The following ADAM23 variants were observed in gnomAD, a reference collection of about 807,000 sequenced individuals.
ADAM23 encodes disintegrin and metalloproteinase domain-containing protein 23.
In ADAM23, 33 loss-of-function variants were observed where a neutral mutation model predicts 120.1. The ratio of observed to expected loss-of-function variants is 0.27; its 90% confidence interval spans 0.21 to 0.37. ADAM23 has a LOEUF of 0.37. ADAM23 is among the 10% of genes least tolerant of loss of function. The pLI is 1.00. For synonymous variants in ADAM23, 367 were observed against 375.2 expected (o/e 0.98, Z 0.25); for missense variants, 862 against 1,058.2 (o/e 0.81, Z 2.57).
At chr2:206,568,177 C>T (rs969247957) in intron 15 of ADAM23, among the ~76,000 whole-genome samples, 2 of 151,772 alleles carry the variant, frequency 1.3e-5, no homozygotes, top group African/African-American at 4.8e-5. Flanking sequence ...TGAATATCAG[C>T]GAGCCAAAAA....
intron 3 of ADAM23, among the ~76,000 whole-genome samples, chr2:206,490,731 T>C (rs1007578138): frequency 6.6e-6 from 1 of 152,168 alleles, no homozygotes; most frequent in African/African-American, 2.4e-5. Flanking sequence ...TCCTGTCTGC[T>C]TCTAAACTTT....
chr2:206,501,317 A>G (rs1696382302), intron 3 of ADAM23, among the ~76,000 whole-genome samples: 1 of 151,760 alleles, frequency 6.6e-6, no homozygotes, highest in African/African-American at 2.4e-5. Context: ...TGATTCTTAA[A>G]CTATGCTGAT....
At chr2:206,473,713 G>T (rs1010388669) in intron 2 of ADAM23, among the ~76,000 whole-genome samples, 2 of 151,504 alleles carry the variant, frequency 1.3e-5, no homozygotes, top group African/African-American at 4.9e-5. Context: ...TTTGATCTAA[G>T]TGTTAATTCT....
intron 3 of ADAM23, among the ~76,000 whole-genome samples, chr2:206,511,165 A>AT (rs1404918632): frequency 1.3e-5 from 2 of 149,834 alleles, no homozygotes; most frequent in East Asian, 2.0e-4. Flanking sequence ...TTTTTATTTC[A>AT]TTTTTTTCTC....
At chr2:206,544,610 TA>T (rs893513172) in intron 6 of ADAM23, among the ~76,000 whole-genome samples, 11 of 106,204 alleles carry the variant, frequency 1.0e-4, no homozygotes, top group East Asian at 3.4e-4. Flanking sequence ...AGTGGAGAGT[TA>T]AATTTTTTTT....
chr2:206,456,491 C>T (rs941461609), intron 2 of ADAM23, among the ~76,000 whole-genome samples: 4 of 152,176 alleles, frequency 2.6e-5, no homozygotes, highest in African/African-American at 9.7e-5. Context: ...CCCCATGATC[C>T]AGTCACTTCC....
chr2:206,613,856 A>C (rs557249863), intron 25 of ADAM23, among the ~76,000 whole-genome samples: 121 of 152,322 alleles, frequency 7.9e-4, no homozygotes, highest in African/African-American at 2.7e-3. Flanking sequence ...ATATTCCCTA[A>C]ATTTGAATGT....
At chr2:206,605,888 T>A (rs1042948178) in intron 24 of ADAM23, 1 of 662,676 alleles carries the variant, frequency 1.5e-6, no homozygotes, top group African/African-American at 1.8e-5. Context: ...AGAGTAAGCA[T>A]CCTTGCCAGT....
intron 3 of ADAM23, among the ~76,000 whole-genome samples, chr2:206,516,267 T>G (rs1574508359): frequency 6.7e-6 from 1 of 149,834 alleles, no homozygotes; most frequent in Non-Finnish European, 1.5e-5. Flanking sequence ...AGCCAAGTAG[T>G]GATAAAAAAT....
intron 18 of ADAM23, among the ~76,000 whole-genome samples, chr2:206,583,395 A>C (rs1452582850): frequency 6.6e-6 from 1 of 151,576 alleles, no homozygotes; most frequent in East Asian, 1.9e-4. Context: ...CGGAGGTTGC[A>C]GTGAGCCGAG....
At chr2:206,604,320 G>A (rs956027296) in intron 24 of ADAM23, among the ~76,000 whole-genome samples, 2 of 152,138 alleles carry the variant, frequency 1.3e-5, no homozygotes, top group Non-Finnish European at 2.9e-5. Flanking sequence ...AGTTAATTTA[G>A]TATTCTGAAA....
chr2:206,571,893 G>C (rs965309215), intron 17 of ADAM23, 77 bp downstream of exon 17: 16 of 1,289,844 alleles, frequency 1.2e-5, no homozygotes, highest in Non-Finnish European at 1.7e-5. Context: ...CTGAGCATTT[G>C]TGTAGCTTGT....
chr2:206,581,934 G>A (rs893444889), intron 18 of ADAM23, among the ~76,000 whole-genome samples: 1 of 152,012 alleles, frequency 6.6e-6, no homozygotes, highest in Admixed American at 6.6e-5. Context: ...CTGGAGTGCA[G>A]TGGTGCGATC....
intron 6 of ADAM23, 81 bp from the exon 7 acceptor site, chr2:206,547,348 A>G (rs1697418972): frequency 8.8e-7 from 1 of 1,131,220 alleles, no homozygotes; most frequent in Non-Finnish European, 1.3e-6. Context: ...TAGGAAGGAC[A>G]TTAGAGAAAG....
chr2:206,477,121 T>C (rs1456863905), intron 2 of ADAM23, among the ~76,000 whole-genome samples: 1 of 152,162 alleles, frequency 6.6e-6, no homozygotes, highest in Non-Finnish European at 1.5e-5. Flanking sequence ...CTACACAGAG[T>C]TGAGCATGTA....
chr2:206,567,274 C>T lies in ADAM23; in HGVS notation c.1446C>T (p.Asp482=). 6.2e-7 allele frequency: 1 copy of T among 1,613,892 alleles called. No homozygotes were observed. The highest frequency in any genetic ancestry group is 1.6e-4 in the Middle Eastern group (1 of 6,062). Residue 482 remains aspartate, a synonymous_variant, in exon 15 of 26, where the codon GAC becomes GAT. Transcript: ENST00000264377. ...FSKCSILEYR[D]FLQRGGGACL... ...AGTGCAGCATTTTGGAGTATAGAGACTTTTTACAGAGAGGAGGTGGAGCCT... is the reference window on the plus strand; with the variant it reads ...AGTGCAGCATTTTGGAGTATAGAGATTTTTTACAGAGAGGAGGTGGAGCCT...
chr2:206,461,340 C>T (rs1315899910), intron 2 of ADAM23, among the ~76,000 whole-genome samples: 3 of 152,012 alleles, frequency 2.0e-5, no homozygotes, highest in Non-Finnish European at 2.9e-5. Flanking sequence ...TGATTACAGG[C>T]GTGACCCATC....
chr2:206,514,248 TG>T (rs1230799787), intron 3 of ADAM23, among the ~76,000 whole-genome samples: 1 of 152,230 alleles, frequency 6.6e-6, no homozygotes, highest in Non-Finnish European at 1.5e-5. Context: ...GAAAACCTTC[TG>T]GAAAGGATTA....
At chr2:206,565,156 C>A (rs1374435833) in intron 14 of ADAM23, 88 bp downstream of exon 14, 2 of 1,157,952 alleles carry the variant, frequency 1.7e-6, no homozygotes, top group Non-Finnish European at 2.6e-6. Flanking sequence ...GGGTATTGGT[C>A]TTTTAGGCTA....
Sources: allele counts gnomAD v4.1 joint callset (sites outside exome capture counted in the v4.1 genomes callset), GRCh38; gene constraint gnomAD v4.1.1; transcripts MANE v1.5; gene names NCBI Gene and HGNC (gene_info 2026-07-23, HGNC 2026-07-21).